MYO18A: variants seen among roughly 807,000 people sequenced by gnomAD.
MYO18A encodes myosin XVIIIA.
MYO18A carries 78 observed loss-of-function variants against 235.8 expected under a neutral mutation model. That is an observed-to-expected ratio of 0.33 (90% CI 0.28 to 0.40). The LOEUF (loss-of-function observed/expected upper bound fraction) is 0.40, where lower values mean the gene tolerates loss of function less well. Ranked by LOEUF, MYO18A falls within the 10% of genes least tolerant of loss-of-function variation. MYO18A has a pLI of 1.00. For missense variants in MYO18A, 2,215 were observed against 2,699.3 expected (o/e 0.82, Z 3.98); for synonymous variants, 977 against 1,077.8 (o/e 0.91, Z 1.83).
At chr17:29,130,727 C>T (rs1213617551) in intron 2 of MYO18A, among the ~76,000 whole-genome samples, 3 of 152,180 alleles carry the variant, frequency 2.0e-5, no homozygotes, top group African/African-American at 7.2e-5. Context: ...CTACCAGCTG[C>T]CCTCTCCTAA....
At chr17:29,146,661 C>A (rs571295117) in intron 2 of MYO18A, among the ~76,000 whole-genome samples, 36 of 152,362 alleles carry the variant, frequency 2.4e-4, no homozygotes, top group Non-Finnish European at 4.1e-4. Flanking sequence ...TCTCTATCCA[C>A]ACAACTAGAA....
chr17:29,150,124 A>G (rs547257907), intron 2 of MYO18A, among the ~76,000 whole-genome samples: 14 of 152,254 alleles, frequency 9.2e-5, no homozygotes, highest in Admixed American at 2.0e-4. Context: ...TCTTCTAGAC[A>G]AGCCTCAGGT....
At chr17:29,155,908 C>A (rs73988923) in intron 2 of MYO18A, among the ~76,000 whole-genome samples, 3,207 of 152,324 alleles carry the variant, frequency 0.021, 101 homozygotes, top group African/African-American at 0.073. Context: ...CATGACCTGG[C>A]CTAGTAGGGA....
chr17:29,127,676 G>A (rs563127020), intron 2 of MYO18A, among the ~76,000 whole-genome samples: 3 of 152,238 alleles, frequency 2.0e-5, no homozygotes, highest in Admixed American at 6.5e-5. Context: ...TGCAGGGTCC[G>A]CATTGGGTTA....
chr17:29,093,341 G>T lies in MYO18A; in HGVS notation c.4908C>A (p.Leu1636=), dbSNP rs764887839. The T allele has an allele frequency of 6.2e-7, 1 of 1,612,052 alleles. No individual in the cohort carries two copies. Among genetic ancestry groups the T allele is most frequent in the South Asian group, 1.1e-5 (1 of 90,926 alleles). Residue 1636 remains leucine (L), a synonymous_variant, in exon 32 of 42, where the codon CTC becomes CTA. Transcript: ENST00000527372. ...CCCTGACCTGGTCGCTGAGGGTGGCGAGCTTGCCCTCCAGCTCCCGCTTCT... is the reference window on the plus strand; with the variant it reads ...CCCTGACCTGGTCGCTGAGGGTGGCTAGCTTGCCCTCCAGCTCCCGCTTCT... The part of the protein sequence containing the change: ...LREKRELEGK[L]ATLSDQVNRR...
Position 29,111,517 on chromosome 17 carries a change from T to G in MYO18A, c.2807A>C (p.Asn936Thr), listed in dbSNP as rs1427544150. The part of the protein sequence containing the change: ...HFLLGHSHGT[N>T]WVEYNVTGWL... ...GCCAGTCACATTGTACTCTACCCAG[T>G]TGGTGCCATGGCTGTGGCCCAGGAG... The change falls in exon 17 of 42, where the codon AAC becomes ACC. Residue 936 changes from asparagine to threonine, a missense_variant. By Grantham distance (65) the Asn-to-Thr change is moderately conservative (BLOSUM62 0). Transcript: ENST00000527372. The surrounding 1 kb of genome is among the most constrained non-coding windows in gnomAD (Gnocchi z 5.1). The G allele has an allele frequency of 2.5e-6, 4 of 1,613,598 alleles. No homozygotes were observed. Among genetic ancestry groups the G allele is most frequent in the African/African-American group, 2.7e-5 (2 of 75,026 alleles).
At chr17:29,112,244 A>G (rs530883578) in intron 15 of MYO18A, among the ~76,000 whole-genome samples, 6 of 152,328 alleles carry the variant, frequency 3.9e-5, no homozygotes, top group African/African-American at 1.4e-4. Flanking sequence ...GCAGTGGCAT[A>G]AAGTCTGGAA....
chr17:29,090,499 T>A, intron 36 of MYO18A, 33 bp downstream of exon 36: 6 of 1,545,776 alleles, frequency 3.9e-6, no homozygotes, highest in Non-Finnish European at 5.3e-6. Flanking sequence ...ACCCTGGCAC[T>A]CTCTCTCTCC....
At chr17:29,079,714 A>T (rs1238922656) in intron 41 of MYO18A, 2 of 985,884 alleles carry the variant, frequency 2.0e-6, no homozygotes, top group Non-Finnish European at 2.4e-6. Flanking sequence ...AACCCAGGCC[A>T]GGTGCCACCT....
chr17:29,082,684 C>T (rs1254544246), intron 40 of MYO18A, among the ~76,000 whole-genome samples: 2 of 151,934 alleles, frequency 1.3e-5, no homozygotes, highest in Non-Finnish European at 2.9e-5. Context: ...GAGGCAGCTC[C>T]CAAGCCAGTT....
At position 29,118,368 on chromosome 17, in the gene MYO18A, ACC is replaced by A; in HGVS notation, c.1893+7_1893+8del. The stretch of plus-strand genomic sequence containing the variant: ...AGGGCTGGCAACCCAGACCCCACAG[ACC>A]CCTCACCTTGGCCAGTGGCACAATC... On this transcript the variant is annotated splice_region_variant and intron_variant, in intron 9 of 41. Coordinates refer to ENST00000527372, the MANE Select transcript of MYO18A (RefSeq NM_078471.4). The surrounding 1 kb of genome is among the most constrained non-coding windows in gnomAD (Gnocchi z 4.2). 1 of 1,600,110 alleles carries A rather than the reference ACC, an allele frequency of 6.2e-7. No homozygotes were observed. The highest frequency in any genetic ancestry group is 8.6e-7 in the Non-Finnish European group (1 of 1,169,452).
chr17:29,083,499 TAAAC>T (rs1482548231), intron 40 of MYO18A, among the ~76,000 whole-genome samples: 1 of 111,634 alleles, frequency 9.0e-6, no homozygotes, highest in Admixed American at 8.8e-5. Context: ...TGTTCTTAAA[TAAAC>T]AGCCACACAG....
chr17:29,087,645 T>G (rs2066287411), intron 37 of MYO18A, among the ~76,000 whole-genome samples: 1 of 152,162 alleles, frequency 6.6e-6, no homozygotes, highest in Non-Finnish European at 1.5e-5. Flanking sequence ...GGCAGTGGGA[T>G]GCTGAGCAAA....
In MYO18A at chr17:29,072,861, A is replaced by C. The variant is rs1483748133; in HGVS notation, c.*1909T>G. The C allele has an allele frequency of 3.3e-5, 5 of 152,290 alleles. No homozygotes were observed. The East Asian group carries it at 9.6e-4, about 29-fold the overall frequency. 9.4% of individuals were successfully genotyped at this position (152,290 alleles called of 1,614,324 possible). ...TGTCATTTGTTTCTTGCCTTTCTGC[A>C]TGAGCTGCCTCTTAGCTGTCAATGA... On this transcript the variant is annotated 3_prime_UTR_variant, in exon 42 of 42. Transcript: ENST00000527372.
intron 15 of MYO18A, among the ~76,000 whole-genome samples, chr17:29,113,711 C>T (rs576445199): frequency 5.3e-5 from 8 of 152,332 alleles, no homozygotes; most frequent in South Asian, 2.1e-4. Context: ...AGCTGGGGCC[C>T]GAGCCTCAGC....
At chr17:29,130,118 G>A (rs11650356) in intron 2 of MYO18A, among the ~76,000 whole-genome samples, 68,772 of 151,772 alleles carry the variant, frequency 0.45, 16,050 homozygotes, top group East Asian at 0.85. Context: ...GCAACATGGT[G>A]AAACTGTTTC....
intron 41 of MYO18A, chr17:29,080,451 C>T: frequency 1.0e-6 from 1 of 986,038 alleles, no homozygotes; most frequent in Non-Finnish European, 1.2e-6. Context: ...CATCATCCCA[C>T]TCCTCTAGGC....
rs1598347072 is a variant in MYO18A at position 29,125,929 on chromosome 17, C to T, written c.1000-3676G>A. 1 of 985,402 alleles carries T rather than the reference C, an allele frequency of 1.0e-6. No homozygotes were observed. The highest frequency in any genetic ancestry group is 1.7e-5 in the African/African-American group (1 of 57,362). 61.0% of individuals were successfully genotyped at this position (985,402 alleles called of 1,614,324 possible). ...AGATCCTCTCCAGCCGCTGGTGGGC[C>T]TCTTCCACGGGGGTCAGCTGGACCT... is the stretch of plus-strand genomic sequence containing the variant. On this transcript the variant is annotated intron_variant, in intron 2 of 41. Transcript: ENST00000527372. The surrounding 1 kb of genome is among the most constrained non-coding windows in gnomAD (Gnocchi z 5.1).
In MYO18A at chr17:29,158,536, C is replaced by A. The variant is rs942771235; in HGVS notation, c.999+7406G>T. ...CAGTGGCTGTCTGGCATGGTGGGCG[C>A]CCTCAGTGCTGCCAGATGCCTGGGG... On this transcript the variant is annotated intron_variant, in intron 2 of 41. Coordinates refer to ENST00000527372, the MANE Select transcript of MYO18A (RefSeq NM_078471.4). The surrounding 1 kb of genome is among the most constrained non-coding windows in gnomAD (Gnocchi z 4.3). Among the ~76,000 whole-genome samples, 1 of 152,198 alleles carries A rather than the reference C, an allele frequency of 6.6e-6. No homozygotes were observed. Among genetic ancestry groups the A allele is most frequent in the African/African-American group, 2.4e-5 (1 of 41,454 alleles).
Sources: allele counts gnomAD v4.1 joint callset (sites outside exome capture counted in the v4.1 genomes callset), GRCh38; gene constraint gnomAD v4.1.1; non-coding constraint Gnocchi (gnomAD v3.1); transcripts MANE v1.5; gene names NCBI Gene and HGNC (gene_info 2026-07-23, HGNC 2026-07-21).